The following FBLN2 variants were observed in gnomAD, a reference collection of about 807,000 sequenced individuals.
FBLN2 encodes the protein fibulin-2.
FBLN2 carries 81 observed loss-of-function variants against 123.7 expected under a neutral mutation model. The ratio of observed to expected loss-of-function variants is 0.65; its 90% CI spans 0.55 to 0.79. The LOEUF is 0.79. FBLN2 is among the 30% of genes least tolerant of loss of function. FBLN2 has a pLI of 0.00. For missense variants in FBLN2, 1,603 were observed against 1,681.3 expected, an observed-to-expected ratio of 0.95 and a Z score of 0.81; for synonymous variants, 699 against 701.4, an observed-to-expected ratio of 1.00 and a Z score of 0.05.
intron 8 of FBLN2, among the ~76,000 whole-genome samples, chr3:13,621,202 G>A (rs983646146): frequency 2.0e-5 from 3 of 152,274 alleles, no homozygotes; most frequent in African/African-American, 4.8e-5. Flanking sequence ...CCTGCTCTGC[G>A]GAGGAGCGCT....
At chr3:13,620,239 A>G (rs769362290) in intron 8 of FBLN2, among the ~76,000 whole-genome samples, 2 of 152,096 alleles carry the variant, frequency 1.3e-5, no homozygotes, top group African/African-American at 2.4e-5. Flanking sequence ...TTGTGCTTCT[A>G]ACAAGGTGAT....
intron 6 of FBLN2, 151 bp from the exon 7 acceptor site, chr3:13,618,753 A>T: frequency 1.6e-6 from 1 of 625,190 alleles, no homozygotes; most frequent in Admixed American, 2.9e-5. Flanking sequence ...GTATATGCAC[A>T]CTCCAAACCT....
Position 13,557,228 on chromosome 3 carries a change from C to A in FBLN2, c.-42+8020C>A, listed in dbSNP as rs536715123. Reference sequence around the variant, plus strand: ...CGCATGTCTGGAGCCATTCCCTGAGCCTGGGGACTGAGCGAGGCAGCCTGC... The same window carrying A: ...CGCATGTCTGGAGCCATTCCCTGAGACTGGGGACTGAGCGAGGCAGCCTGC... On this transcript the variant is annotated intron_variant, in intron 1 of 17. Coordinates refer to ENST00000404922, the MANE Select transcript of FBLN2 (RefSeq NM_001004019.2). Among the ~76,000 whole-genome samples the A allele has an allele frequency of 4.2e-4, 64 of 152,324 alleles. 1 individual carries two copies. The highest frequency in any genetic ancestry group is 4.0e-3 in the Admixed American group (62 of 15,310).
chr3:13,619,756 A>C lies in FBLN2; in HGVS notation c.2080A>C (p.Ser694Arg), dbSNP rs776239326. The C allele has an allele frequency of 8.8e-5, 142 of 1,613,414 alleles. No homozygotes were observed. The highest frequency in any genetic ancestry group is 1.2e-4 in the Non-Finnish European group (137 of 1,179,630). The stretch of plus-strand genomic sequence containing the variant: ...CAATGGACCCTGCAAGCAGGTGTGC[A>C]GCACTGTTGGGGGCTCAGCCATATG... Reference protein sequence around the residue: ...KDNGPCKQVCSTVGGSAICSC... With the variant: ...KDNGPCKQVCRTVGGSAICSC... The change falls in exon 8 of 18, where the codon AGC (serine) becomes CGC (arginine). Residue 694 changes from serine (S) to arginine (R), a missense_variant. Physicochemically the swap from Ser to Arg is moderately radical, Grantham distance 110 (BLOSUM62 -1). Transcript: ENST00000404922.
At chr3:13,626,823 C>G (rs995233426) in intron 10 of FBLN2, among the ~76,000 whole-genome samples, 1 of 152,170 alleles carries the variant, frequency 6.6e-6, no homozygotes, top group Non-Finnish European at 1.5e-5. Context: ...TAGGTCCACC[C>G]CGGCTTTGCT....
intron 4 of FBLN2, 50 bp downstream of exon 4, chr3:13,609,692 G>GGGGGGGGGGGC: frequency 2.0e-5 from 10 of 508,368 alleles, no homozygotes; most frequent in East Asian, 6.4e-5. Context: ...GGCGGGGCGG[G>GGGGGGGGGGGC]AGGCTGGCCT....
rs113077562 is a variant in FBLN2 at position 13,631,363 on chromosome 3, C to T, written c.3120C>T (p.Leu1040=). 3.5e-4 allele frequency: 558 copies of T among 1,603,112 alleles called. 2 individuals are homozygous for T. The African/African-American group carries it at 6.7e-3, about 19-fold the overall frequency. Residue 1040 remains leucine, a synonymous_variant, in exon 16 of 18, where the codon CTC becomes CTT. Transcript: ENST00000404922. The part of the protein sequence containing the change: ...IDECAQGAGI[L]CTFRCLNVPG... Reference sequence around the variant, plus strand: ...AGTGTGCTCAAGGCGCCGGCATCCTCTGCACCTTCCGCTGTCTCAACGTGC... The same window carrying T: ...AGTGTGCTCAAGGCGCCGGCATCCTTTGCACCTTCCGCTGTCTCAACGTGC...
chr3:13,597,205 T>C (rs1473809938), intron 2 of FBLN2, among the ~76,000 whole-genome samples: 3 of 152,214 alleles, frequency 2.0e-5, no homozygotes, highest in Non-Finnish European at 4.4e-5. Context: ...ATGCTGGTAT[T>C]ATAGGTGTGA....
At chr3:13,635,979 G>A (rs1706449880) in intron 16 of FBLN2, among the ~76,000 whole-genome samples, 1 of 152,178 alleles carries the variant, frequency 6.6e-6, no homozygotes, top group South Asian at 2.1e-4. Flanking sequence ...TCCTGGAGGG[G>A]GTGACTCAAG....
intron 5 of FBLN2, among the ~76,000 whole-genome samples, chr3:13,617,868 A>G (rs750022838): frequency 9.5e-5 from 14 of 147,476 alleles, no homozygotes; most frequent in Admixed American, 6.7e-5. Context: ...CCGTCTATCT[A>G]TTTACCTGCC....
intron 1 of FBLN2, among the ~76,000 whole-genome samples, chr3:13,550,112 C>T (rs994410739): frequency 1.3e-5 from 2 of 152,224 alleles, no homozygotes; most frequent in East Asian, 1.9e-4. Flanking sequence ...GTCTCACATA[C>T]GAGTCACAGA....
At chr3:13,592,414 T>C (rs1704706921) in intron 2 of FBLN2, among the ~76,000 whole-genome samples, 1 of 152,250 alleles carries the variant, frequency 6.6e-6, no homozygotes, top group African/African-American at 2.4e-5. Flanking sequence ...GTAGTAATTT[T>C]TAATATCTGC....
intron 1 of FBLN2, among the ~76,000 whole-genome samples, chr3:13,569,435 T>C (rs1703850426): frequency 6.6e-6 from 1 of 151,666 alleles, no homozygotes; most frequent in Non-Finnish European, 1.5e-5. Context: ...GTGGCGGGGC[T>C]GTTCCAGTGG....
chr3:13,586,793 G>A (rs1013040810), intron 2 of FBLN2, among the ~76,000 whole-genome samples: 4 of 150,716 alleles, frequency 2.7e-5, no homozygotes, highest in African/African-American at 9.8e-5. Context: ...ATGGGATGGA[G>A]CCACCTCACC....
chr3:13,600,062 C>T (rs1325864124), intron 2 of FBLN2, among the ~76,000 whole-genome samples: 1 of 131,128 alleles, frequency 7.6e-6, no homozygotes, highest in Admixed American at 7.4e-5. Flanking sequence ...AGAGAGAGAG[C>T]GATAGAGAGA....
rs955520917 is a variant in FBLN2 at position 13,571,556 on chromosome 3, C to G, written c.1201C>G (p.Pro401Ala). 1.2e-6 allele frequency: 2 copies of G among 1,613,602 alleles called. No individual in the cohort carries two copies. The highest frequency in any genetic ancestry group is 3.3e-5 in the Admixed American group (2 of 59,988). Residue 401 changes from proline to alanine, a missense_variant, in exon 2 of 18, where the codon CCC becomes GCC. Transcript: ENST00000404922. ...ACTGCCTGATGCAGCCTGGATCCCA[C>G]CCACCCGAGAAGTGCCCAGGAAGCC... ...TSLPDAAWIP[P>A]TREVPRKPQV... is the part of the protein sequence containing the mutation.
intron 4 of FBLN2, among the ~76,000 whole-genome samples, chr3:13,612,080 TG>T (rs1210940635): frequency 1.3e-5 from 2 of 152,170 alleles, no homozygotes; most frequent in Admixed American, 1.3e-4. Context: ...CAGAGACCGC[TG>T]GATGGTTCTG....
intron 16 of FBLN2, among the ~76,000 whole-genome samples, chr3:13,634,441 C>G (rs1051808046): frequency 6.6e-6 from 1 of 152,264 alleles, no homozygotes; most frequent in African/African-American, 2.4e-5. Flanking sequence ...TGGCCCTTCC[C>G]TTCTGGGCAT....
chr3:13,570,831 C>G lies in FBLN2; in HGVS notation c.476C>G (p.Ala159Gly), dbSNP rs749527161. Residue 159 changes from alanine to glycine, a missense_variant, in exon 2 of 18, where the codon GCC becomes GGC. Ala to Gly is a moderately conservative substitution (Grantham distance 60, BLOSUM62 0). Transcript: ENST00000404922. ...ACTGTTCACCTGCCGCCCTGCCGGG[C>G]CTGCCACTGCCCTGACGCCGGTGGA... ...GHTVHLPPCRACHCPDAGGEL... is the reference protein window; with the variant it reads ...GHTVHLPPCRGCHCPDAGGEL... The G allele has an allele frequency of 6.9e-6, 11 of 1,605,718 alleles. No homozygotes were observed. Among genetic ancestry groups the G allele is most frequent in the Non-Finnish European group, 9.3e-6 (11 of 1,176,916 alleles).
Sources: gnomAD v4.1 joint callset for allele counts (sites outside exome capture counted in the v4.1 genomes callset) on GRCh38, gnomAD v4.1.1 for gene constraint, MANE v1.5 for transcripts, NCBI Gene and HGNC (gene_info 2026-07-23, HGNC 2026-07-21) for gene names.